Variants in PHC2 observed in about 807,000 individuals in gnomAD.
PHC2 encodes the protein polyhomeotic-like protein 2.
PHC2 carries 29 observed loss-of-function variants against 87.4 expected under a neutral mutation model. The ratio of observed to expected loss-of-function variants is 0.33; its 90% CI spans 0.25 to 0.45. PHC2 has a LOEUF of 0.45. Among genes scored for constraint, PHC2 ranks in the 20% least tolerant of loss-of-function variants. The pLI, the probability that PHC2 is intolerant of heterozygous loss-of-function variation, is 1.00. For missense variants in PHC2, 857 were observed against 1,136.7 expected (o/e 0.75, Z 3.54); for synonymous variants, 438 against 461.7 (o/e 0.95, Z 0.66).
In PHC2 at chr1:33,357,352, T is replaced by C. The variant is rs1386109417; in HGVS notation, c.977-2099A>G. On this transcript the variant is annotated intron_variant, in intron 7 of 14. Transcript: ENST00000683057. Reference sequence around the variant, plus strand: ...CCTTCTTGAATTTTGTCTGTTCACATGCAAGTTTTGAATGGTCTCATCCCA... The same window carrying C: ...CCTTCTTGAATTTTGTCTGTTCACACGCAAGTTTTGAATGGTCTCATCCCA... Among the ~76,000 whole-genome samples the C allele has an allele frequency of 3.9e-5, 6 of 152,322 alleles. No individual in the cohort carries two copies. In the East Asian group the frequency reaches 9.6e-4, roughly 24 times the overall value.
chr1:33,386,804 GCA>G (rs916244014), intron 1 of PHC2, among the ~76,000 whole-genome samples: 3 of 152,068 alleles, frequency 2.0e-5, no homozygotes, highest in East Asian at 1.9e-4. Flanking sequence ...CACAGTGTGC[GCA>G]CACACACCCT....
In PHC2 at chr1:33,331,400, C is replaced by G; in HGVS notation, c.1954G>C (p.Ala652Pro). The G allele has an allele frequency of 6.2e-7, 1 of 1,613,270 alleles. No homozygotes were observed. The highest frequency in any genetic ancestry group is 8.5e-7 in the Non-Finnish European group (1 of 1,179,436). Residue 652 changes from alanine to proline, a missense_variant, in exon 12 of 15, where the codon GCC becomes CCC. Physicochemically the swap from Ala to Pro is conservative, Grantham distance 27 (BLOSUM62 -1). Transcript: ENST00000683057. This position sits in a 1 kb window ranked among gnomAD's most constrained non-coding sequence, Gnocchi z 5.2. ...KCELCGRVDF[A>P]YKFKRSKRFC... ...CGCTTGGAACGCTTGAACTTATAGG[C>G]AAAGTCCACCCGGCCACAGAGCTCA...
intron 1 of PHC2, among the ~76,000 whole-genome samples, chr1:33,386,525 A>T (rs1648763054): frequency 6.6e-6 from 1 of 152,040 alleles, no homozygotes; most frequent in Non-Finnish European, 1.5e-5. Context: ...TCTCAAAAAA[A>T]AAAGATCCCT....
rs1310907180 is a variant in PHC2, at chr1:33,355,047, C to T, written c.1183G>A (p.Ala395Thr). 3 of 1,613,468 alleles carry T rather than the reference C, an allele frequency of 1.9e-6. No homozygotes were observed. The highest frequency in any genetic ancestry group is 1.1e-5 in the South Asian group (1 of 91,034). ...VALQPSSEAH[A>T]MPLGPVTPAL... The stretch of plus-strand genomic sequence containing the variant: ...GGTGTAACCGGGCCTAGTGGCATGG[C>T]ATGGGCCTCTGAGCTGGGCTGGAGG... The change falls in exon 8 of 15, where the codon GCC (alanine) becomes ACC (threonine). Residue 395 changes from alanine (A) to threonine (T), a missense_variant. By Grantham distance (58) the Ala-to-Thr change is moderately conservative (BLOSUM62 0). Transcript: ENST00000683057.
intron 1 of PHC2, among the ~76,000 whole-genome samples, chr1:33,407,718 C>T (rs1649820870): frequency 6.6e-6 from 1 of 152,134 alleles, no homozygotes; most frequent in Non-Finnish European, 1.5e-5. Context: ...TAGTAAATGC[C>T]TTCAGAGAGA....
chr1:33,329,745 T>A (rs1646448234), intron 13 of PHC2, among the ~76,000 whole-genome samples: 1 of 152,110 alleles, frequency 6.6e-6, no homozygotes, highest in South Asian at 2.1e-4. Flanking sequence ...CACCCAGCCC[T>A]CCACGTAAGG....
chr1:33,347,035 C>G, intron 9 of PHC2: 1 of 985,406 alleles, frequency 1.0e-6, no homozygotes, highest in Non-Finnish European at 1.2e-6. Flanking sequence ...ATGCCCTCTC[C>G]CCCTGAAAGA....
chr1:33,331,277 A>T lies in PHC2; in HGVS notation c.2006+71T>A. The T allele has an allele frequency of 1.2e-6, 1 of 807,440 alleles. No homozygotes were observed. The highest frequency in any genetic ancestry group is 1.7e-5 in the African/African-American group (1 of 58,482). 50.0% of individuals were successfully genotyped at this position (807,440 alleles called of 1,614,324 possible). A position where few individuals can be genotyped will look rare whatever the true frequency, so the allele number is the denominator to read the frequency against. On this transcript the variant is annotated intron_variant, in intron 12 of 14. Transcript: ENST00000683057. This position sits in a 1 kb window ranked among gnomAD's most constrained non-coding sequence, Gnocchi z 5.2. ...GCCACCCCTATGGACCTCCTGGGGT[A>T]GACTATTAATGGCAGGAGGTGGGAC...
chr1:33,357,548 T>C (rs976400327), intron 7 of PHC2, among the ~76,000 whole-genome samples: 5 of 152,178 alleles, frequency 3.3e-5, no homozygotes, highest in African/African-American at 1.2e-4. Context: ...AATGACAGGT[T>C]TGGGAAACTT....
chr1:33,354,866 A>G lies in PHC2; in HGVS notation c.1364T>C (p.Ile455Thr), dbSNP rs1647040213. 1.2e-6 allele frequency: 2 copies of G among 1,613,972 alleles called. No individual in the cohort carries two copies. The highest frequency in any genetic ancestry group is 2.7e-5 in the African/African-American group (2 of 74,920). ...QRRFQHTSAV[I>T]LQLQPASPVP... is the part of the protein sequence containing the mutation. ...TGGTGAAGCAGGCTGCAGTTGTAAG[A>G]TGACAGCTGAAGTGTGCTGGAACCT... Residue 455 changes from isoleucine to threonine, a missense_variant, in exon 8 of 15, where the codon ATC becomes ACC. This residue lies in a region of PHC2 where 832 missense variants were observed against 1,081.8 expected (regional missense o/e 0.77). Coordinates refer to ENST00000683057, the MANE Select transcript of PHC2 (RefSeq NM_001385109.1).
At chr1:33,339,447 A>AT (rs540676419) in intron 9 of PHC2, among the ~76,000 whole-genome samples, 77 of 152,190 alleles carry the variant, frequency 5.1e-4, no homozygotes, top group African/African-American at 1.7e-3. Context: ...AATAAGAGCT[A>AT]TTTTTTGGCC....
intron 9 of PHC2, among the ~76,000 whole-genome samples, chr1:33,350,120 C>A (rs558145037): frequency 6.6e-6 from 1 of 151,314 alleles, no homozygotes; most frequent in Non-Finnish European, 1.5e-5. Flanking sequence ...CCCTGATAGC[C>A]GGTGCAAGTG....
At chr1:33,352,018 T>C (rs1319681302) in intron 9 of PHC2, among the ~76,000 whole-genome samples, 1 of 151,954 alleles carries the variant, frequency 6.6e-6, no homozygotes, top group South Asian at 2.1e-4. Flanking sequence ...TTGACAGTTG[T>C]TTCCACTGTG....
chr1:33,367,491 A>AAGAG, intron 6 of PHC2, 63 bp from the exon 7 acceptor site: 2 of 1,285,390 alleles, frequency 1.6e-6, no homozygotes, highest in Non-Finnish European at 2.2e-6. Flanking sequence ...GTATACAACT[A>AAGAG]AGAGGGAGAG....
chr1:33,364,359 G>GAC lies in PHC2; in HGVS notation c.976+2755_976+2756dup, dbSNP rs34902529. Among the ~76,000 whole-genome samples the GAC allele has an allele frequency of 0.011, 1,663 of 145,804 alleles. 34 individuals are homozygous for GAC. Among genetic ancestry groups the GAC allele is most frequent in the East Asian group, 0.11 (556 of 4,930 alleles). ...GCGCTCGCTTGCTTTCTCTCTCCCA[G>GAC]ACACACACACACACACACACACACT... is the stretch of plus-strand genomic sequence containing the variant. On this transcript the variant is annotated intron_variant, in intron 7 of 14. Coordinates refer to ENST00000683057, the MANE Select transcript of PHC2 (RefSeq NM_001385109.1). The surrounding 1 kb of genome is among the most constrained non-coding windows in gnomAD (Gnocchi z 4.1).
chr1:33,420,006 T>C (rs969935916), intron 1 of PHC2, among the ~76,000 whole-genome samples: 2 of 152,162 alleles, frequency 1.3e-5, no homozygotes, highest in South Asian at 4.1e-4. Flanking sequence ...TCTGCAAATA[T>C]TCCTTTTCCT....
chr1:33,405,184 CTTTT>C, intron 1 of PHC2, among the ~76,000 whole-genome samples: 1 of 142,056 alleles, frequency 7.0e-6, no homozygotes, highest in Non-Finnish European at 1.5e-5. Flanking sequence ...GATTTGTAGT[CTTTT>C]TTTTTTTTTT....
At chr1:33,333,670 T>C in intron 10 of PHC2, 1 of 199,806 alleles carries the variant, frequency 5.0e-6, no homozygotes, top group Non-Finnish European at 1.0e-5. Flanking sequence ...TCTGGAGAAT[T>C]CTGTTCTGTG....
chr1:33,369,699 C>T lies in PHC2; in HGVS notation c.576+722G>A, dbSNP rs1188900717. ...TACTTTCGGGATAGTGTGTCAAGAG[C>T]CCGAAGGAGCAGACTTCAGAATGGG... is the stretch of plus-strand genomic sequence containing the variant. On this transcript the variant is annotated intron_variant, in intron 5 of 14. Transcript: ENST00000683057. The surrounding 1 kb of genome is among the most constrained non-coding windows in gnomAD (Gnocchi z 4.7). Among the ~76,000 whole-genome samples, 1 of 152,116 alleles carries T rather than the reference C, an allele frequency of 6.6e-6. No homozygotes were observed. Among genetic ancestry groups the T allele is most frequent in the Non-Finnish European group, 1.5e-5 (1 of 68,012 alleles).
Sources: gnomAD v4.1 joint callset for allele counts (sites outside exome capture counted in the v4.1 genomes callset) on GRCh38, gnomAD v4.1.1 for gene constraint, gnomAD v4.1.1 regional missense constraint, Gnocchi (gnomAD v3.1) non-coding constraint, MANE v1.5 for transcripts, NCBI Gene and HGNC (gene_info 2026-07-23, HGNC 2026-07-21) for gene names.